Variants in NOTCH2NLB observed in about 807,000 individuals in gnomAD.
NOTCH2NLB encodes the protein notch 2 N-terminal like B, also known as notch homolog 2 N-terminal-like protein B.
A neutral mutation model predicts 14.8 loss-of-function variants in NOTCH2NLB; 1 was observed. The observed-to-expected ratio is 0.07, with a 90% CI of 0.02 to 0.32. The LOEUF (loss-of-function observed/expected upper bound fraction) is 0.32, where lower values mean the gene tolerates loss of function less well. Among genes scored for constraint, NOTCH2NLB ranks in the 10% least tolerant of loss-of-function variants. NOTCH2NLB has a pLI of 1.00. For missense variants in NOTCH2NLB, 11 were observed against 155.0 expected (o/e 0.07, Z 4.93); for synonymous variants, 6 against 57.5 (o/e 0.10, Z 4.05).
At chr1:148,658,559 T>G (rs1375221122) in intron 1 of NOTCH2NLB, among the ~76,000 whole-genome samples, 41 of 83,906 alleles carry the variant, frequency 4.9e-4, no homozygotes, top group African/African-American at 1.7e-3. Flanking sequence ...ACTTTTTTTT[T>G]TTTTTTTTTT....
rs1334341584 is a variant in NOTCH2NLB at position 148,645,994 on chromosome 1, A to G, written c.4-5905T>C. Among the ~76,000 whole-genome samples the G allele has an allele frequency of 3.4e-5, 5 of 148,254 alleles. No individual in the cohort carries two copies. In the East Asian group the frequency reaches 9.7e-4, roughly 29 times the overall value. On this transcript the variant is annotated intron_variant, in intron 1 of 4. Coordinates refer to ENST00000593495, the Ensembl canonical transcript of NOTCH2NLB. ...TCTCTGTATCTTCTTTGTGCTTGATACAGTTTGGCTATTTTGTCCCTTCCA... is the reference window on the plus strand; with the variant it reads ...TCTCTGTATCTTCTTTGTGCTTGATGCAGTTTGGCTATTTTGTCCCTTCCA...
chr1:148,669,930 C>G (rs1213989724), intron 1 of NOTCH2NLB, among the ~76,000 whole-genome samples: 1 of 19,452 alleles, frequency 5.1e-5, no homozygotes, highest in East Asian at 2.4e-3. Flanking sequence ...GATTACGTCA[C>G]CCACCCAAAA....
intron 1 of NOTCH2NLB, among the ~76,000 whole-genome samples, chr1:148,651,144 GA>G (rs1159790526): frequency 3.8e-3 from 288 of 76,276 alleles, no homozygotes; most frequent in African/African-American, 8.1e-3. Flanking sequence ...CTCTGCCTGA[GA>G]AAAAAAAAAA....
chr1:148,605,414 C>T (rs1310222076), downstream of NOTCH2NLB, among the ~76,000 whole-genome samples: 2 of 144,448 alleles, frequency 1.4e-5, no homozygotes, highest in African/African-American at 5.3e-5. Context: ...CCCATTCCCA[C>T]TCCTCATGCT....
chr1:148,637,538 A>G (rs1314426561), intron 2 of NOTCH2NLB, among the ~76,000 whole-genome samples: 2 of 147,482 alleles, frequency 1.4e-5, no homozygotes, highest in Non-Finnish European at 3.0e-5. Context: ...GCCTCTCTGT[A>G]TGGTATTACC....
At chr1:148,638,238 C>T (rs1287593988) in intron 2 of NOTCH2NLB, among the ~76,000 whole-genome samples, 2 of 148,914 alleles carry the variant, frequency 1.3e-5, no homozygotes, top group East Asian at 1.9e-4. Context: ...ATGTGCATGA[C>T]GGTATCTACT....
chr1:148,684,892 C>T, the NOTCH2NLB span, among the ~76,000 whole-genome samples: 4 of 125,184 alleles, frequency 3.2e-5, no homozygotes, highest in East Asian at 8.9e-4. Context: ...ACCACTGCTG[C>T]ATTTCAGCTC....
At chr1:148,613,237 GT>G (rs1344291236) in intron 3 of NOTCH2NLB, among the ~76,000 whole-genome samples, 1 of 147,510 alleles carries the variant, frequency 6.8e-6, no homozygotes, top group Non-Finnish European at 1.5e-5. Flanking sequence ...ACTACATCAG[GT>G]GTAATTATGA....
At chr1:148,658,550 C>CTTTTTTTTTTTTTTTTTT (rs1194273075) in intron 1 of NOTCH2NLB, among the ~76,000 whole-genome samples, 8 of 38,590 alleles carry the variant, frequency 2.1e-4, no homozygotes, top group Non-Finnish European at 2.9e-4. Flanking sequence ...CCCAATACCA[C>CTTTTTTTTTTTTTTTTTT]TTTTTTTTTT....
chr1:148,615,229 G>A lies in NOTCH2NLB; in HGVS notation c.337+462C>T, dbSNP rs1334201516. Among the ~76,000 whole-genome samples, 3 of 110,118 alleles carry A rather than the reference G, an allele frequency of 2.7e-5. No individual in the cohort carries two copies. The East Asian group carries it at 8.3e-4, about 31-fold the overall frequency. The allele number at this position is 110,118 out of a possible 152,430, so 72.2% of individuals were successfully genotyped here. A position where few individuals can be genotyped will look rare whatever the true frequency, so the allele number is the denominator to read the frequency against. ...AGCTCACTGCAGCCTCAAACTCCTG[G>A]GCTCAAGCAATTCTTCCACTTCAGC... is the stretch of plus-strand genomic sequence containing the variant. On this transcript the variant is annotated intron_variant, in intron 3 of 4. Coordinates refer to ENST00000593495, the Ensembl canonical transcript of NOTCH2NLB.
the NOTCH2NLB span, among the ~76,000 whole-genome samples, chr1:148,708,091 G>A: frequency 1.5e-5 from 1 of 67,712 alleles, no homozygotes. Context: ...ATATATATCT[G>A]TGTGTATGTG....
chr1:148,637,581 T>C (rs1341738397), intron 2 of NOTCH2NLB, among the ~76,000 whole-genome samples: 4 of 148,664 alleles, frequency 2.7e-5, no homozygotes, highest in Admixed American at 1.3e-4. Context: ...CATAAATTTT[T>C]TTTAAATTTT....
intron 2 of NOTCH2NLB, among the ~76,000 whole-genome samples, chr1:148,630,998 G>A (rs1421350388): frequency 1.6e-5 from 2 of 125,870 alleles, no homozygotes; most frequent in Admixed American, 7.5e-5. Flanking sequence ...AAATACTAGT[G>A]TGATAAAAAT....
At chr1:148,613,161 T>C (rs1663742863) in intron 3 of NOTCH2NLB, among the ~76,000 whole-genome samples, 1 of 149,202 alleles carries the variant, frequency 6.7e-6, no homozygotes, top group Non-Finnish European at 1.5e-5. Flanking sequence ...TTAAGTATCG[T>C]TAACTTTATG....
chr1:148,627,903 T>C (rs1427968368), intron 2 of NOTCH2NLB, among the ~76,000 whole-genome samples: 2 of 136,280 alleles, frequency 1.5e-5, no homozygotes. Flanking sequence ...GTGGAATCTT[T>C]ACCCCTTAAA....
At chr1:148,628,533 T>C (rs1221706123) in intron 2 of NOTCH2NLB, among the ~76,000 whole-genome samples, 1 of 47,906 alleles carries the variant, frequency 2.1e-5, no homozygotes, top group African/African-American at 1.6e-4. Context: ...GAAAAAGAAA[T>C]AGTGCAGAAT....
At chr1:148,634,674 AG>A (rs1664185228) in intron 2 of NOTCH2NLB, among the ~76,000 whole-genome samples, 1 of 24,308 alleles carries the variant, frequency 4.1e-5, no homozygotes, top group African/African-American at 1.4e-4. Flanking sequence ...GAGAATTGTT[AG>A]CTGTTAATGT....
At chr1:148,602,290 A>AGAAAAT (rs1663393670), downstream of NOTCH2NLB, among the ~76,000 whole-genome samples, 1 of 82,592 alleles carries the variant, frequency 1.2e-5, no homozygotes, top group Non-Finnish European at 2.2e-5. Flanking sequence ...AGAAAAGAAA[A>AGAAAAT]GAAAATGACA....
chr1:148,670,547 T>TAC (rs1664751507), intron 1 of NOTCH2NLB, among the ~76,000 whole-genome samples: 5 of 111,752 alleles, frequency 4.5e-5, no homozygotes, highest in African/African-American at 1.7e-4. Flanking sequence ...AAAATATATA[T>TAC]ATATACATAT....
Sources: gnomAD v4.1 joint callset for allele counts (sites outside exome capture counted in the v4.1 genomes callset) on GRCh38, gnomAD v4.1.1 for gene constraint, MANE v1.5 for transcripts, NCBI Gene and HGNC (gene_info 2026-07-23, HGNC 2026-07-21) for gene names.